The following CATSPERB variants were observed in gnomAD, a reference collection of about 807,000 sequenced individuals.
CATSPERB encodes the protein cation channel sperm-associated auxiliary subunit beta.
A neutral mutation model predicts 128.3 loss-of-function variants in CATSPERB; 93 were observed. The observed-to-expected ratio is 0.72, with a 90% CI of 0.61 to 0.86. The LOEUF is 0.86. Ranked by LOEUF, CATSPERB falls within the 40% of genes least tolerant of loss-of-function variation. The pLI, the probability that CATSPERB is intolerant of heterozygous loss-of-function variation, is 0.00. For missense variants in CATSPERB, 1,153 were observed against 1,329.5 expected (o/e 0.87, Z 2.06); for synonymous variants, 381 against 448.8 (o/e 0.85, Z 1.91).
At chr14:91,605,222 T>G (rs1893677974) in intron 22 of CATSPERB, 1 of 1,558,918 alleles carries the variant, frequency 6.4e-7, no homozygotes, top group South Asian at 1.1e-5. Context: ...TGGATAGTTT[T>G]CTTCAGGCCC....
Position 91,659,916 on chromosome 14 carries a change from T to TATG in CATSPERB, c.1350_1352dup (p.Ile451dup). On this transcript the variant is annotated inframe_insertion, in exon 15 of 27. Transcript: ENST00000256343. ...TATAAAAACTATGAAAAGTCTTCTT[T>TATG]ATGATATCATCATGAAAGTTAGCTA... 1 of 1,603,784 alleles carries TATG rather than the reference T, an allele frequency of 6.2e-7. No homozygotes were observed. Among genetic ancestry groups the TATG allele is most frequent in the South Asian group, 1.1e-5 (1 of 88,350 alleles).
At position 91,729,489 on chromosome 14, in the gene CATSPERB, T is replaced by C; in HGVS notation, c.1-10A>G. 7.0e-7 allele frequency: 1 copy of C among 1,425,848 alleles called. No individual in the cohort carries two copies. The highest frequency in any genetic ancestry group is 2.0e-5 in the Admixed American group (1 of 50,876). 88.3% of individuals were successfully genotyped at this position (1,425,848 alleles called of 1,614,324 possible). The stretch of plus-strand genomic sequence containing the variant: ...TAAGTGGCGATTCCATCTGTTGGAA[T>C]AAATAAGAATTATTTTCACTCAATT... On this transcript the variant is annotated splice_polypyrimidine_tract_variant and intron_variant, in intron 1 of 26. Transcript: ENST00000256343.
At position 91,693,138 on chromosome 14, in the gene CATSPERB, G is replaced by A. The variant is rs1217130160; in HGVS notation, c.819C>T (p.Arg273=). The change falls in exon 9 of 27, where the codon CGC becomes CGT. Residue 273 remains arginine, a synonymous_variant. Transcript: ENST00000256343. Reference sequence around the variant, plus strand: ...GCAATTTACATACCGATAAGCTGTGGCGTGATGGATAACGAAGATCTTCAC... The same window carrying A: ...GCAATTTACATACCGATAAGCTGTGACGTGATGGATAACGAAGATCTTCAC... ...FVSEDLRYPS[R]HSLSFSRADF... The A allele has an allele frequency of 1.2e-6, 2 of 1,608,742 alleles. No individual in the cohort carries two copies. Among genetic ancestry groups the A allele is most frequent in the African/African-American group, 1.3e-5 (1 of 74,786 alleles).
chr14:91,722,479 G>A (rs1323740947), intron 4 of CATSPERB, among the ~76,000 whole-genome samples: 1 of 152,154 alleles, frequency 6.6e-6, no homozygotes, highest in Non-Finnish European at 1.5e-5. Flanking sequence ...ATTAGTGGTT[G>A]TCTAGGGCTG....
intron 26 of CATSPERB, among the ~76,000 whole-genome samples, chr14:91,584,360 T>A (rs1182574507): frequency 5.3e-5 from 8 of 152,282 alleles, no homozygotes; most frequent in Admixed American, 3.3e-4. Context: ...TGAGCCACCA[T>A]GCCCAGCCTA....
intron 11 of CATSPERB, among the ~76,000 whole-genome samples, chr14:91,678,639 A>C (rs542731191): frequency 6.6e-6 from 1 of 152,328 alleles, no homozygotes; most frequent in Admixed American, 6.5e-5. Flanking sequence ...ATGATTAATA[A>C]AATTAACATA....
At chr14:91,592,060 A>T in intron 22 of CATSPERB, 58 bp from the exon 23 acceptor site, 1 of 991,982 alleles carries the variant, frequency 1.0e-6, no homozygotes, top group African/African-American at 1.6e-5. Flanking sequence ...ATTTCTGCAA[A>T]CTGATAAATA....
chr14:91,676,601 G>T, intron 11 of CATSPERB, among the ~76,000 whole-genome samples: 1 of 150,844 alleles, frequency 6.6e-6, no homozygotes, highest in Admixed American at 6.6e-5. Context: ...CATTATTTAT[G>T]TTCTAACTGA....
In CATSPERB at chr14:91,693,417, T is replaced by C. The variant is rs1895504218; in HGVS notation, c.679A>G (p.Met227Val). The change falls in exon 8 of 27, where the codon ATG (methionine) becomes GTG (valine). Residue 227 changes from methionine to valine, a missense_variant. By Grantham distance (21) the Met-to-Val change is conservative. Coordinates refer to ENST00000256343, the MANE Select transcript of CATSPERB (RefSeq NM_024764.4). Reference protein sequence around the residue: ...WHDYDTTWFNMTQTIYSQLQE... With the variant: ...WHDYDTTWFNVTQTIYSQLQE... ...AGTTGGGAATAGATAGTCTGTGTCA[T>C]GTTAAACCATGTGGTATCATAATCA... 1.2e-6 allele frequency: 2 copies of C among 1,613,974 alleles called. No homozygotes were observed. The highest frequency in any genetic ancestry group is 2.2e-5 in the South Asian group (2 of 91,084).
At chr14:91,605,090 G>A in intron 22 of CATSPERB, 1 of 1,246,040 alleles carries the variant, frequency 8.0e-7, no homozygotes, top group South Asian at 1.2e-5. Flanking sequence ...TGCAGAAGTG[G>A]GTTGTTTGCC....
intron 3 of CATSPERB, among the ~76,000 whole-genome samples, chr14:91,723,909 T>C (rs1378224251): frequency 1.3e-5 from 2 of 151,944 alleles, no homozygotes; most frequent in African/African-American, 2.4e-5. Context: ...AAGGAAAAGA[T>C]AGAAAAAATG....
intron 21 of CATSPERB, among the ~76,000 whole-genome samples, chr14:91,608,921 C>T (rs1046083239): frequency 6.6e-6 from 1 of 152,076 alleles, no homozygotes; most frequent in Admixed American, 6.6e-5. Context: ...TAACTTTTGA[C>T]CACCCCAAAA....
chr14:91,687,381 T>A (rs1412125241), intron 10 of CATSPERB, among the ~76,000 whole-genome samples: 1 of 152,082 alleles, frequency 6.6e-6, no homozygotes, highest in Non-Finnish European at 1.5e-5. Context: ...TTAGTACCCT[T>A]ATTTGATGTG....
intron 19 of CATSPERB, among the ~76,000 whole-genome samples, chr14:91,618,633 C>T (rs1893988099): frequency 6.6e-6 from 1 of 152,182 alleles, no homozygotes; most frequent in Admixed American, 6.5e-5. Flanking sequence ...AGAGAAAACT[C>T]TTATGCATTT....
At chr14:91,731,664 C>T (rs955697105) in intron 1 of CATSPERB, among the ~76,000 whole-genome samples, 1 of 152,220 alleles carries the variant, frequency 6.6e-6, no homozygotes, top group South Asian at 2.1e-4. Flanking sequence ...CACTCCCCTA[C>T]TGACCTACTT....
intron 17 of CATSPERB, among the ~76,000 whole-genome samples, chr14:91,632,119 T>C (rs979203169): frequency 1.3e-5 from 2 of 152,086 alleles, no homozygotes; most frequent in East Asian, 1.9e-4. Flanking sequence ...TTAGTAAAAA[T>C]AATAAATGTA....
At chr14:91,624,656 CA>C (rs1894121546) in intron 18 of CATSPERB, among the ~76,000 whole-genome samples, 163 bp downstream of exon 18, 1 of 147,388 alleles carries the variant, frequency 6.8e-6, no homozygotes, top group South Asian at 2.1e-4. Flanking sequence ...AAAAAAAAAA[CA>C]AAAAACTTTC....
At chr14:91,602,935 C>T (rs1050736793) in intron 22 of CATSPERB, among the ~76,000 whole-genome samples, 11 of 152,056 alleles carry the variant, frequency 7.2e-5, no homozygotes, top group Non-Finnish European at 1.5e-4. Flanking sequence ...CTCTTTGCTT[C>T]CTTCTTTCTC....
intron 26 of CATSPERB, among the ~76,000 whole-genome samples, chr14:91,584,927 T>G (rs1043852351): frequency 3.3e-5 from 5 of 152,230 alleles, no homozygotes; most frequent in African/African-American, 1.2e-4. Context: ...TCATTAAGCT[T>G]CTTGAATATG....
Sources: allele counts gnomAD v4.1 joint callset (sites outside exome capture counted in the v4.1 genomes callset), GRCh38; gene constraint gnomAD v4.1.1; transcripts MANE v1.5; gene names NCBI Gene and HGNC (gene_info 2026-07-23, HGNC 2026-07-21).